PINX1: variants seen among roughly 807,000 people sequenced by gnomAD.
PINX1 encodes PIN2/TERF1-interacting telomerase inhibitor 1.
A neutral mutation model predicts 25.4 loss-of-function variants in PINX1; 34 were observed. The ratio of observed to expected loss-of-function variants is 1.34; its 90% CI spans 1.02 to 1.78. The LOEUF (loss-of-function observed/expected upper bound fraction) is 1.78. PINX1 is among the 40% of genes most tolerant of loss of function. The pLI is 0.00. For synonymous variants in PINX1, 197 were observed against 147.7 expected (o/e 1.33, Z -2.42); for missense variants, 592 against 404.9 (o/e 1.46, Z -3.97).
intron 6 of PINX1, among the ~76,000 whole-genome samples, chr8:10,780,873 C>T (rs554739229): frequency 2.0e-5 from 3 of 152,116 alleles, no homozygotes; most frequent in African/African-American, 7.2e-5. Flanking sequence ...CACATGGAAC[C>T]ACAAAAGACC....
chr8:10,778,865 T>G (rs149892107), intron 6 of PINX1, among the ~76,000 whole-genome samples: 1 of 152,284 alleles, frequency 6.6e-6, no homozygotes, highest in East Asian at 1.9e-4. Flanking sequence ...TCCAAGAGGG[T>G]GGGCTTTTAC....
intron 6 of PINX1, among the ~76,000 whole-genome samples, chr8:10,778,815 G>A (rs1272239781): frequency 1.4e-4 from 22 of 152,194 alleles, no homozygotes; most frequent in Admixed American, 1.4e-3. Context: ...TAGTTCTCTT[G>A]TTAAATCTCA....
intron 6 of PINX1, among the ~76,000 whole-genome samples, chr8:10,801,759 A>G (rs1311771419): frequency 6.6e-6 from 1 of 152,238 alleles, no homozygotes; most frequent in Admixed American, 6.5e-5. Flanking sequence ...TTGTGGTATC[A>G]TTCTAACCTG....
intron 6 of PINX1, among the ~76,000 whole-genome samples, chr8:10,809,798 G>A (rs372626791): frequency 3.5e-4 from 54 of 152,306 alleles, no homozygotes; most frequent in African/African-American, 1.3e-3. Flanking sequence ...CACCATCCTC[G>A]TTCATCATTC....
At chr8:10,788,741 T>C (rs944564194) in intron 6 of PINX1, among the ~76,000 whole-genome samples, 3 of 152,162 alleles carry the variant, frequency 2.0e-5, no homozygotes, top group African/African-American at 4.8e-5. Flanking sequence ...TCGTGGACTC[T>C]TGCAGAAAAA....
At position 10,785,307 on chromosome 8, in the gene PINX1, C is replaced by T. The variant is rs986373523; in HGVS notation, c.472-19391G>A. 3.3e-5 allele frequency among the ~76,000 whole-genome samples: 5 copies of T among 152,156 alleles called. No homozygotes were observed. The South Asian group carries it at 1.0e-3, about 32-fold the overall frequency. On this transcript the variant is annotated intron_variant, in intron 6 of 6. Coordinates refer to ENST00000314787, the MANE Select transcript of PINX1 (RefSeq NM_017884.6). The stretch of plus-strand genomic sequence containing the variant: ...TTGCATTATTCTATGGAAGGATTGG[C>T]GTAGCAAGTTAACCCATCAGAATCT...
chr8:10,825,363 G>C (rs1366383984), intron 5 of PINX1: 8 of 534,650 alleles, frequency 1.5e-5, no homozygotes, highest in Non-Finnish European at 2.3e-5. Context: ...CATCAACAGA[G>C]ACTAGATATT....
At chr8:10,829,193 G>A (rs573567155) in intron 4 of PINX1, among the ~76,000 whole-genome samples, 64 of 149,780 alleles carry the variant, frequency 4.3e-4, no homozygotes, top group African/African-American at 1.6e-3. Flanking sequence ...GGCTGAGGCA[G>A]GAGAATCGCT....
chr8:10,779,079 G>A (rs865917874), intron 6 of PINX1, among the ~76,000 whole-genome samples: 1 of 152,198 alleles, frequency 6.6e-6, no homozygotes, highest in Non-Finnish European at 1.5e-5. Flanking sequence ...GAGGGTAGCG[G>A]AGAAATAACA....
chr8:10,821,263 G>T (rs190537276), intron 5 of PINX1, among the ~76,000 whole-genome samples: 63 of 152,360 alleles, frequency 4.1e-4, no homozygotes, highest in African/African-American at 1.5e-3. Flanking sequence ...GACCCAGAAG[G>T]TTCTAGTTCA....
intron 1 of PINX1, 96 bp from the exon 2 acceptor site, chr8:10,834,871 G>A: frequency 2.5e-6 from 2 of 786,532 alleles, no homozygotes; most frequent in Non-Finnish European, 2.1e-6. Flanking sequence ...TTTTATGTAT[G>A]TATGTAAAAT....
intron 6 of PINX1, among the ~76,000 whole-genome samples, chr8:10,773,750 T>C (rs1034812451): frequency 2.0e-5 from 3 of 152,236 alleles, no homozygotes; most frequent in South Asian, 2.1e-4. Context: ...TGGTTCTCTA[T>C]GGCAACAGCT....
At position 10,791,754 on chromosome 8, in the gene PINX1, C is replaced by T. The variant is rs181414814; in HGVS notation, c.472-25838G>A. The stretch of plus-strand genomic sequence containing the variant: ...AGAGAGTCTGACTACAAACTATAAA[C>T]CCTGGAAGAGACGCCAGGGTGGTGG... On this transcript the variant is annotated intron_variant, in intron 6 of 6. Coordinates refer to ENST00000314787, the MANE Select transcript of PINX1 (RefSeq NM_017884.6). Among the ~76,000 whole-genome samples, 38 of 152,294 alleles carry T rather than the reference C, an allele frequency of 2.5e-4. 1 individual carries two copies. The Middle Eastern group carries it at 0.014, about 55-fold the overall frequency.
At chr8:10,767,665 G>A (rs899943723) in intron 6 of PINX1, among the ~76,000 whole-genome samples, 4 of 152,260 alleles carry the variant, frequency 2.6e-5, no homozygotes, top group Non-Finnish European at 5.9e-5. Flanking sequence ...CCCGGCACGA[G>A]CCAATCCCAG....
chr8:10,765,295 C>T lies in PINX1; in HGVS notation c.*106G>A, dbSNP rs1800993219. On this transcript the variant is annotated 3_prime_UTR_variant, in exon 7 of 7. Coordinates refer to ENST00000314787, the MANE Select transcript of PINX1 (RefSeq NM_017884.6). ...CAGCCCATGGGCATGCCACAAGATG[C>T]GCCCAGGCGCTCTGGGGTGAACTCT... 8.2e-6 allele frequency: 9 copies of T among 1,097,440 alleles called. No individual in the cohort carries two copies. Among genetic ancestry groups the T allele is most frequent in the South Asian group, 6.8e-5 (4 of 58,490 alleles). 68.0% of individuals were successfully genotyped at this position (1,097,440 alleles called of 1,614,324 possible). A position where few individuals can be genotyped will look rare whatever the true frequency, so the allele number is the denominator to read the frequency against.
At chr8:10,787,518 G>A (rs1801789836) in intron 6 of PINX1, 1 of 203,042 alleles carries the variant, frequency 4.9e-6, no homozygotes, top group African/African-American at 2.4e-5. Flanking sequence ...GAGCTACCAT[G>A]CTTGGCTGAC....
At chr8:10,769,885 T>C (rs1801171562) in intron 6 of PINX1, among the ~76,000 whole-genome samples, 1 of 152,182 alleles carries the variant, frequency 6.6e-6, no homozygotes, top group Admixed American at 6.5e-5. Context: ...AACTAAAGTA[T>C]GTATCAATTG....
At chr8:10,825,878 A>G (rs1489461241) in intron 5 of PINX1, among the ~76,000 whole-genome samples, 1 of 152,242 alleles carries the variant, frequency 6.6e-6, no homozygotes, top group Non-Finnish European at 1.5e-5. Context: ...TTTCCTCTAA[A>G]TATAAGCTGA....
At chr8:10,787,674 C>A in intron 6 of PINX1, 1 of 351,152 alleles carries the variant, frequency 2.8e-6, no homozygotes, top group South Asian at 2.4e-5. Context: ...GTGGATTCAG[C>A]AGGGATGGTA....
Sources: gnomAD v4.1 joint callset for allele counts (sites outside exome capture counted in the v4.1 genomes callset) on GRCh38, gnomAD v4.1.1 for gene constraint, MANE v1.5 for transcripts, NCBI Gene and HGNC (gene_info 2026-07-23, HGNC 2026-07-21) for gene names.